ELAPOR2: variants seen among roughly 807,000 people sequenced by gnomAD.
ELAPOR2 encodes endosome/lysosome-associated apoptosis and autophagy regulator family member 2.
A neutral mutation model predicts 120.7 loss-of-function variants in ELAPOR2; 89 were observed. That is an observed-to-expected ratio of 0.74 (90% confidence interval 0.62 to 0.88). The LOEUF is 0.88. Ranked by LOEUF, ELAPOR2 falls within the 40% of genes least tolerant of loss-of-function variation. The pLI, the probability that ELAPOR2 is intolerant of heterozygous loss-of-function variation, is 0.00. For missense variants in ELAPOR2, 1,134 were observed against 1,251.6 expected (o/e 0.91, Z 1.42); for synonymous variants, 444 against 444.9 (o/e 1.00, Z 0.03).
intron 1 of ELAPOR2, among the ~76,000 whole-genome samples, chr7:87,023,861 CTGTT>C (rs1406425449): frequency 2.6e-5 from 4 of 152,120 alleles, no homozygotes; most frequent in Non-Finnish European, 1.5e-5. Flanking sequence ...ATTTGGCTCT[CTGTT>C]TGTCTGTTGT....
At chr7:86,963,458 T>C (rs1384101653) in intron 2 of ELAPOR2, among the ~76,000 whole-genome samples, 1 of 152,162 alleles carries the variant, frequency 6.6e-6, no homozygotes, top group East Asian at 1.9e-4. Context: ...CCAGTTTTCA[T>C]GGATACAATA....
intron 8 of ELAPOR2, among the ~76,000 whole-genome samples, chr7:86,932,481 T>C (rs749779969): frequency 2.0e-5 from 3 of 151,766 alleles, no homozygotes; most frequent in Non-Finnish European, 4.4e-5. Context: ...TGTCCCACAA[T>C]AGGAGGGTGG....
chr7:86,915,543 C>G (rs1375123914), intron 12 of ELAPOR2, among the ~76,000 whole-genome samples: 2 of 151,696 alleles, frequency 1.3e-5, no homozygotes, highest in African/African-American at 2.4e-5. Flanking sequence ...GACTGGAAAG[C>G]AAATATTAAT....
intron 1 of ELAPOR2, among the ~76,000 whole-genome samples, chr7:87,000,559 T>C (rs573901923): frequency 6.6e-6 from 1 of 152,248 alleles, no homozygotes. Flanking sequence ...TGCTGCTGCT[T>C]TCATTATTCT....
chr7:87,019,274 C>T (rs1793966798), intron 1 of ELAPOR2, among the ~76,000 whole-genome samples: 1 of 152,178 alleles, frequency 6.6e-6, no homozygotes, highest in South Asian at 2.1e-4. Context: ...AGCCATCTTC[C>T]TGCCTTGCCC....
chr7:86,965,167 A>G (rs1791860182), intron 1 of ELAPOR2, 143 bp from the exon 2 acceptor site: 1 of 775,294 alleles, frequency 1.3e-6, no homozygotes, highest in Admixed American at 2.3e-5. Flanking sequence ...CACACCAAGC[A>G]GCTTATTGAT....
At chr7:86,920,899 A>C (rs1789799558) in intron 10 of ELAPOR2, 1 of 152,126 alleles carries the variant, frequency 6.6e-6, no homozygotes, top group Non-Finnish European at 1.5e-5. Flanking sequence ...TCAACTCTAC[A>C]ACCCGACTCC....
rs1251750608 is a variant in ELAPOR2 at position 86,877,383 on chromosome 7, G to A, written c.*3088C>T. ...TTGGGCAAACTCAGTTTAGGAGTTG[G>A]GCCTGTCAACTGCAATCATATTCAT... On this transcript the variant is annotated 3_prime_UTR_variant, in exon 22 of 22. Coordinates refer to ENST00000450689, the MANE Select transcript of ELAPOR2 (RefSeq NM_001142749.3). The A allele has an allele frequency of 6.6e-6, 1 of 152,076 alleles. No individual in the cohort carries two copies. Among genetic ancestry groups the A allele is most frequent in the Non-Finnish European group, 1.5e-5 (1 of 68,004 alleles). The allele number at this position is 152,076 out of a possible 1,614,324, so 9.4% of individuals were successfully genotyped here. A position where few individuals can be genotyped will look rare whatever the true frequency, so the allele number is the denominator to read the frequency against.
At chr7:87,051,225 C>T (rs1463523016) in intron 1 of ELAPOR2, among the ~76,000 whole-genome samples, 1 of 152,002 alleles carries the variant, frequency 6.6e-6, no homozygotes, top group African/African-American at 2.4e-5. Flanking sequence ...TCAGGAGAAA[C>T]TGGCAAAAAC....
At chr7:86,950,017 C>A (rs1473918226) in intron 2 of ELAPOR2, among the ~76,000 whole-genome samples, 1 of 152,192 alleles carries the variant, frequency 6.6e-6, no homozygotes, top group Admixed American at 6.5e-5. Flanking sequence ...TCCCCCCAGA[C>A]TGCCCATGGC....
rs538018135 is a variant in ELAPOR2, at chr7:86,914,326, AT to A, written c.1731+396del. Among the ~76,000 whole-genome samples the A allele has an allele frequency of 8.8e-4, 134 of 152,314 alleles. 1 individual carries two copies. Among genetic ancestry groups the A allele is most frequent in the Non-Finnish European group, 1.7e-3 (117 of 68,018 alleles). On this transcript the variant is annotated intron_variant, in intron 13 of 21. Transcript: ENST00000450689. Reference sequence around the variant, plus strand: ...AAGGAAATATTACTGTAACAAAAAAATAAAATGACACTAGTTAATGGCTCTT... The same window carrying A: ...AAGGAAATATTACTGTAACAAAAAAAAAAATGACACTAGTTAATGGCTCTT...
At chr7:86,951,875 G>A (rs1791263507) in intron 2 of ELAPOR2, among the ~76,000 whole-genome samples, 1 of 152,160 alleles carries the variant, frequency 6.6e-6, no homozygotes, top group African/African-American at 2.4e-5. Context: ...CCTGAATAAA[G>A]CTTATCTAAC....
chr7:86,931,361 A>C lies in ELAPOR2; in HGVS notation c.1090-4445T>G, dbSNP rs1790315966. Among the ~76,000 whole-genome samples, 3 of 152,002 alleles carry C rather than the reference A, an allele frequency of 2.0e-5. No homozygotes were observed. The South Asian group carries it at 6.2e-4, about 31-fold the overall frequency. On this transcript the variant is annotated intron_variant, in intron 8 of 21. Coordinates refer to ENST00000450689, the MANE Select transcript of ELAPOR2 (RefSeq NM_001142749.3). ...TTCTCCAAAAGAAACACAAAATGCC[A>C]TGAGTGCCCAAAGGAAAGATATCAA...
At chr7:87,040,097 C>T (rs954987341) in intron 1 of ELAPOR2, among the ~76,000 whole-genome samples, 1 of 152,246 alleles carries the variant, frequency 6.6e-6, no homozygotes, top group Non-Finnish European at 1.5e-5. Context: ...AGATTATATC[C>T]CGCACCTGGC....
rs1474775617 is a variant in ELAPOR2 at position 86,936,539 on chromosome 7, TA to T, written c.1089+1586del. 2.0e-5 allele frequency among the ~76,000 whole-genome samples: 3 copies of T among 152,236 alleles called. No individual in the cohort carries two copies. The East Asian group carries it at 5.8e-4, about 30-fold the overall frequency. Reference sequence around the variant, plus strand: ...TAGAAACATTTATCTTGAAATGTCTTAAATCACTTTTCTTAAAAAAACACTG... The same window carrying T: ...TAGAAACATTTATCTTGAAATGTCTTAATCACTTTTCTTAAAAAAACACTG... On this transcript the variant is annotated intron_variant, in intron 8 of 21. Coordinates refer to ENST00000450689, the MANE Select transcript of ELAPOR2 (RefSeq NM_001142749.3).
chr7:87,018,189 C>T (rs771152593), intron 1 of ELAPOR2, among the ~76,000 whole-genome samples: 3 of 151,928 alleles, frequency 2.0e-5, no homozygotes, highest in East Asian at 1.9e-4. Flanking sequence ...TACAGGCGCC[C>T]GCCACCATGC....
At chr7:86,891,354 T>C in intron 21 of ELAPOR2, 1 of 158,030 alleles carries the variant, frequency 6.3e-6, no homozygotes, top group East Asian at 1.8e-4. Context: ...GCTATGCAAA[T>C]ACAAACATAA....
chr7:86,896,031 T>C (rs1788420913), intron 19 of ELAPOR2, among the ~76,000 whole-genome samples: 1 of 152,138 alleles, frequency 6.6e-6, no homozygotes, highest in Non-Finnish European at 1.5e-5. Flanking sequence ...AGCAGTGTGC[T>C]AGCTGAGTGA....
intron 1 of ELAPOR2, among the ~76,000 whole-genome samples, chr7:86,979,115 A>C (rs1231575590): frequency 7.7e-6 from 1 of 129,582 alleles, no homozygotes; most frequent in South Asian, 2.2e-4. Flanking sequence ...TTTACCTTTA[A>C]CTTTCTTTAT....
Sources: gnomAD v4.1 joint callset for allele counts (sites outside exome capture counted in the v4.1 genomes callset) on GRCh38, gnomAD v4.1.1 for gene constraint, MANE v1.5 for transcripts, NCBI Gene and HGNC (gene_info 2026-07-23, HGNC 2026-07-21) for gene names.